B3GALT1: variants seen among roughly 807,000 people sequenced by gnomAD.
B3GALT1 encodes the protein beta-1,3-galactosyltransferase 1.
A neutral mutation model predicts 23.2 loss-of-function variants in B3GALT1; 10 were observed. That is an observed-to-expected ratio of 0.43 (90% CI 0.27 to 0.73). B3GALT1 has a LOEUF of 0.73. Among genes scored for constraint, B3GALT1 ranks in the 30% least tolerant of loss-of-function variants. The pLI is 0.21. For missense variants in B3GALT1, 299 were observed against 405.4 expected (o/e 0.74, Z 2.25); for synonymous variants, 156 against 141.5 (o/e 1.10, Z -0.73).
At chr2:167,564,009 C>G (rs1459071482) in intron 2 of B3GALT1, among the ~76,000 whole-genome samples, 2 of 149,522 alleles carry the variant, frequency 1.3e-5, no homozygotes, top group Non-Finnish European at 3.0e-5. Flanking sequence ...GGCCGACCCT[C>G]CCACCTCCCT....
chr2:167,570,545 A>G (rs1684273678), intron 2 of B3GALT1, among the ~76,000 whole-genome samples: 1 of 151,960 alleles, frequency 6.6e-6, no homozygotes, highest in South Asian at 2.1e-4. Flanking sequence ...TAATGAAAAA[A>G]GTGTTATAGT....
At chr2:167,440,926 T>C (rs1698883787) in intron 1 of B3GALT1, among the ~76,000 whole-genome samples, 1 of 152,232 alleles carries the variant, frequency 6.6e-6, no homozygotes, top group South Asian at 2.1e-4. Context: ...GCTTCTTTTT[T>C]GAACCTTTAA....
chr2:167,752,221 TC>T (rs893411935), intron 3 of B3GALT1, among the ~76,000 whole-genome samples: 3 of 152,120 alleles, frequency 2.0e-5, no homozygotes, highest in Admixed American at 2.0e-4. Context: ...AGTAGACACT[TC>T]CGGTTAAGAT....
At chr2:167,616,080 GA>G (rs1685156113) in intron 2 of B3GALT1, among the ~76,000 whole-genome samples, 1 of 72,924 alleles carries the variant, frequency 1.4e-5, no homozygotes, top group African/African-American at 3.3e-5. Context: ...ACTTTACAAA[GA>G]AAAAAGAAGA....
At chr2:167,788,849 A>G (rs1033570324) in intron 3 of B3GALT1, among the ~76,000 whole-genome samples, 1 of 152,206 alleles carries the variant, frequency 6.6e-6, no homozygotes, top group African/African-American at 2.4e-5. Flanking sequence ...GGGAGAACCA[A>G]TAGAACAGTT....
At chr2:167,463,259 T>C (rs1456740911) in intron 1 of B3GALT1, among the ~76,000 whole-genome samples, 1 of 152,168 alleles carries the variant, frequency 6.6e-6, no homozygotes, top group East Asian at 1.9e-4. Context: ...ATTTTACTAA[T>C]ATCTCCATAA....
chr2:167,636,984 T>C (rs1685566864), intron 2 of B3GALT1, among the ~76,000 whole-genome samples: 1 of 151,790 alleles, frequency 6.6e-6, no homozygotes, highest in Non-Finnish European at 1.5e-5. Context: ...ACTTAAAGTA[T>C]AATAATAATA....
Position 167,873,967 on chromosome 2 carries a change from A to G in B3GALT1, c.*3947A>G, listed in dbSNP as rs547164376. ...AAGCGCAATGCTTATGTACAGGCCC[A>G]TCTGTCATGAGGAAGATTATGGTTC... On this transcript the variant is annotated 3_prime_UTR_variant, in exon 5 of 5. Coordinates refer to ENST00000392690, the MANE Select transcript of B3GALT1 (RefSeq NM_020981.4). 3 of 152,230 alleles carry G rather than the reference A, an allele frequency of 2.0e-5. No homozygotes were observed. In the South Asian group the frequency reaches 6.2e-4, roughly 32 times the overall value. The allele number at this position is 152,230 out of a possible 1,614,324, so 9.4% of individuals were successfully genotyped here.
chr2:167,834,202 G>C (rs1426762086), intron 4 of B3GALT1, among the ~76,000 whole-genome samples: 1 of 152,152 alleles, frequency 6.6e-6, no homozygotes, highest in Non-Finnish European at 1.5e-5. Context: ...AGATTAAAAG[G>C]AGCCTCCACT....
chr2:167,850,992 AT>A (rs1191064897), intron 4 of B3GALT1, among the ~76,000 whole-genome samples: 5 of 152,154 alleles, frequency 3.3e-5, no homozygotes, highest in African/African-American at 1.2e-4. Context: ...AAATAAATAA[AT>A]GAAAATATAT....
At position 167,668,209 on chromosome 2, in the gene B3GALT1, C is replaced by T. The variant is rs75729635; in HGVS notation, c.-352+21243C>T. On this transcript the variant is annotated intron_variant, in intron 3 of 4. Coordinates refer to ENST00000392690, the MANE Select transcript of B3GALT1 (RefSeq NM_020981.4). Reference sequence around the variant, plus strand: ...CTGCAGGTCTGTTGGAATACCCGACCGCGTGAGGTGTTAGTCTGCCCCTGC... The same window carrying T: ...CTGCAGGTCTGTTGGAATACCCGACTGCGTGAGGTGTTAGTCTGCCCCTGC... Among the ~76,000 whole-genome samples the T allele has an allele frequency of 9.8e-4, 149 of 151,722 alleles. 2 individuals are homozygous for T. The East Asian group carries it at 0.026, about 26-fold the overall frequency.
intron 1 of B3GALT1, among the ~76,000 whole-genome samples, chr2:167,380,031 G>A (rs1260507616): frequency 1.3e-5 from 2 of 152,202 alleles, no homozygotes; most frequent in East Asian, 3.9e-4. Context: ...CTGAAGATCT[G>A]CCTGGGGGTA....
At chr2:167,633,377 A>G (rs917379874) in intron 2 of B3GALT1, among the ~76,000 whole-genome samples, 7 of 151,970 alleles carry the variant, frequency 4.6e-5, no homozygotes, top group African/African-American at 1.7e-4. Context: ...GGCAACTTGG[A>G]TAAAGAGTCA....
At chr2:167,693,953 C>T (rs1188128289) in intron 3 of B3GALT1, among the ~76,000 whole-genome samples, 1 of 152,056 alleles carries the variant, frequency 6.6e-6, no homozygotes, top group African/African-American at 2.4e-5. Flanking sequence ...TTCCGTGTGC[C>T]GTTGTCTGGG....
At chr2:167,696,296 C>CAAAAAAAAAAAAAAAAAAAAA (rs35575073) in intron 3 of B3GALT1, among the ~76,000 whole-genome samples, 1 of 91,838 alleles carries the variant, frequency 1.1e-5, no homozygotes, top group Non-Finnish European at 2.0e-5. Flanking sequence ...TGGTAAGAGG[C>CAAAAAAAAAAAAAAAAAAAAA]AAAAAAAAAA....
At chr2:167,431,853 A>G (rs747725961) in intron 1 of B3GALT1, among the ~76,000 whole-genome samples, 16 of 152,238 alleles carry the variant, frequency 1.1e-4, no homozygotes, top group Non-Finnish European at 2.4e-4. Flanking sequence ...ATTCTAAGAA[A>G]AATATCTAGA....
At chr2:167,678,286 T>G (rs1686464108) in intron 3 of B3GALT1, among the ~76,000 whole-genome samples, 1 of 152,180 alleles carries the variant, frequency 6.6e-6, no homozygotes, top group South Asian at 2.1e-4. Flanking sequence ...TCGATCCACT[T>G]TCCGTTTTAA....
At chr2:167,631,712 T>C (rs906653881) in intron 2 of B3GALT1, among the ~76,000 whole-genome samples, 1 of 151,004 alleles carries the variant, frequency 6.6e-6, no homozygotes, top group African/African-American at 2.4e-5. Context: ...ATAGGATAAC[T>C]ACAAATACTA....
intron 3 of B3GALT1, among the ~76,000 whole-genome samples, chr2:167,730,305 G>C (rs1041061971): frequency 1.3e-5 from 2 of 152,172 alleles, no homozygotes; most frequent in Admixed American, 6.5e-5. Flanking sequence ...ATTTAGCATA[G>C]TGTGTCTCAA....
Sources: allele counts gnomAD v4.1 joint callset (sites outside exome capture counted in the v4.1 genomes callset), GRCh38; gene constraint gnomAD v4.1.1; transcripts MANE v1.5; gene names NCBI Gene and HGNC (gene_info 2026-07-23, HGNC 2026-07-21).